NBAS: variants seen among roughly 807,000 people sequenced by gnomAD.
NBAS encodes NBAS subunit of NRZ tethering complex.
In NBAS, 219 loss-of-function variants were observed where a neutral mutation model predicts 302.5. The ratio of observed to expected loss-of-function variants is 0.72; its 90% CI spans 0.65 to 0.81. The LOEUF is 0.81. NBAS is among the 30% of genes least tolerant of loss of function. The pLI is 0.00. For missense variants in NBAS, 2,932 were observed against 2,841.6 expected, an observed-to-expected ratio of 1.03 and a Z score of -0.72; for synonymous variants, 1,118 against 1,021.6, an observed-to-expected ratio of 1.09 and a Z score of -1.80.
chr2:14,870,637 T>G, the NBAS span, among the ~76,000 whole-genome samples: 2 of 147,756 alleles, frequency 1.4e-5, no homozygotes, highest in Non-Finnish European at 3.0e-5. Context: ...GTCCTAGGAG[T>G]GAAAAAAAAA....
At chr2:15,004,515 T>A in the NBAS span, among the ~76,000 whole-genome samples, 10 of 152,114 alleles carry the variant, frequency 6.6e-5, no homozygotes, top group Non-Finnish European at 1.3e-4. Context: ...TTACCCTTTG[T>A]TTTTAAGACA....
At chr2:15,234,113 A>T (rs1411332640) in intron 46 of NBAS, among the ~76,000 whole-genome samples, 1 of 152,208 alleles carries the variant, frequency 6.6e-6, no homozygotes, top group Non-Finnish European at 1.5e-5. Flanking sequence ...GTCTAACTTC[A>T]TCAGTGTATG....
At chr2:14,992,390 T>C in the NBAS span, among the ~76,000 whole-genome samples, 4 of 152,180 alleles carry the variant, frequency 2.6e-5, no homozygotes, top group Admixed American at 2.0e-4. Context: ...TCAGGGTATC[T>C]GACAAGGGGA....
At chr2:14,841,058 AT>A in the NBAS span, among the ~76,000 whole-genome samples, 34 of 151,980 alleles carry the variant, frequency 2.2e-4, 1 homozygote, top group African/African-American at 7.7e-4. Flanking sequence ...TAAAATACCA[AT>A]TTTTTATTTT....
chr2:15,211,667 C>A (rs1666417079), intron 48 of NBAS, among the ~76,000 whole-genome samples: 1 of 152,162 alleles, frequency 6.6e-6, no homozygotes, highest in African/African-American at 2.4e-5. Flanking sequence ...TAAAGATCAT[C>A]ACTGCTGAGA....
chr2:15,511,144 AT>A, intron 10 of NBAS, 67 bp downstream of exon 10: 1 of 1,582,796 alleles, frequency 6.3e-7, no homozygotes, highest in Non-Finnish European at 8.7e-7. Flanking sequence ...CAAAGGACTT[AT>A]TTGTCTAAGA....
chr2:14,985,236 C>A, the NBAS span, among the ~76,000 whole-genome samples: 1 of 152,020 alleles, frequency 6.6e-6, no homozygotes, highest in Non-Finnish European at 1.5e-5. Flanking sequence ...GATTTTGGTC[C>A]TATAATGAGA....
chr2:15,300,134 C>T (rs1670731219), intron 40 of NBAS, among the ~76,000 whole-genome samples: 1 of 152,180 alleles, frequency 6.6e-6, no homozygotes, highest in Non-Finnish European at 1.5e-5. Flanking sequence ...GATGCACAGG[C>T]TGTGCATGAG....
intron 44 of NBAS, among the ~76,000 whole-genome samples, chr2:15,251,828 T>C (rs1668378676): frequency 6.6e-6 from 1 of 152,162 alleles, no homozygotes; most frequent in African/African-American, 2.4e-5. Context: ...CGACTTCCTG[T>C]CTCATCCTAT....
the NBAS span, among the ~76,000 whole-genome samples, chr2:15,123,398 A>T: frequency 1.3e-5 from 2 of 152,016 alleles, no homozygotes; most frequent in African/African-American, 4.8e-5. Flanking sequence ...AGGTGAAGGG[A>T]GCTGATATAG....
Position 15,287,170 on chromosome 2 carries a change from T to G in NBAS, c.5041A>C (p.Ser1681Arg). 6.2e-7 allele frequency: 1 copy of G among 1,613,812 alleles called. No individual in the cohort carries two copies. Residue 1681 changes from serine (S) to arginine (R), a missense_variant, in exon 42 of 52, where the codon AGC becomes CGC. Coordinates refer to ENST00000281513, the MANE Select transcript of NBAS (RefSeq NM_015909.4). ...AGAGAAATAGCAATGCTGTAGACGCTTTCCTCTAGAGTTCTGCAGAAATGT... is the reference window on the plus strand; with the variant it reads ...AGAGAAATAGCAATGCTGTAGACGCGTTCCTCTAGAGTTCTGCAGAAATGT... ...ILGLAETLEE[S>R]VYSIAISLAQ...
At chr2:15,160,592 A>AC in the NBAS span, among the ~76,000 whole-genome samples, 1 of 56,490 alleles carries the variant, frequency 1.8e-5, no homozygotes, top group African/African-American at 5.0e-5. Context: ...GGGCGGGGGG[A>AC]GGGGGGGGGG....
chr2:14,966,820 AAGT>A, the NBAS span, among the ~76,000 whole-genome samples: 1 of 141,222 alleles, frequency 7.1e-6, no homozygotes, highest in East Asian at 2.4e-4. Context: ...TAAGAAAAAG[AAGT>A]AGAAGTCATC....
chr2:15,522,307 TC>T (rs1442932540), intron 9 of NBAS, among the ~76,000 whole-genome samples: 1 of 152,032 alleles, frequency 6.6e-6, no homozygotes, highest in African/African-American at 2.4e-5. Flanking sequence ...AGAAGAAGAA[TC>T]AATAAGGCTT....
At chr2:14,783,586 T>C in the NBAS span, among the ~76,000 whole-genome samples, 2 of 150,866 alleles carry the variant, frequency 1.3e-5, no homozygotes, top group South Asian at 4.2e-4. Flanking sequence ...TTTTTTGTCC[T>C]TGCAATAGTT....
At chr2:14,796,919 CAAAAAA>C in the NBAS span, among the ~76,000 whole-genome samples, 19 of 86,478 alleles carry the variant, frequency 2.2e-4, no homozygotes, top group African/African-American at 6.8e-4. Context: ...CTAAAAAATA[CAAAAAA>C]AAAAAAAAAA....
chr2:15,356,671 T>C (rs1673637873), intron 32 of NBAS, among the ~76,000 whole-genome samples: 2 of 152,150 alleles, frequency 1.3e-5, no homozygotes, highest in Admixed American at 1.3e-4. Context: ...TCCAAAATCA[T>C]GGTAGTTTGG....
intron 9 of NBAS, among the ~76,000 whole-genome samples, chr2:15,518,455 T>C (rs1335071161): frequency 6.6e-6 from 1 of 152,200 alleles, no homozygotes; most frequent in Non-Finnish European, 1.5e-5. Flanking sequence ...ATACAGAATA[T>C]TTGACTTTTA....
chr2:15,444,298 A>C (rs1426232973), intron 21 of NBAS, among the ~76,000 whole-genome samples: 3 of 152,228 alleles, frequency 2.0e-5, no homozygotes, highest in Non-Finnish European at 2.9e-5. Flanking sequence ...ATTGGTACCA[A>C]AACAGAGATA....
Sources: allele counts gnomAD v4.1 joint callset (sites outside exome capture counted in the v4.1 genomes callset), GRCh38; gene constraint gnomAD v4.1.1; transcripts MANE v1.5; gene names NCBI Gene and HGNC (gene_info 2026-07-23, HGNC 2026-07-21).